Variants in PRKCA observed in about 807,000 individuals in gnomAD.
PRKCA encodes the protein protein kinase C alpha type.
A neutral mutation model predicts 87.0 loss-of-function variants in PRKCA; 27 were observed. The observed-to-expected ratio is 0.31, with a 90% CI of 0.23 to 0.43. The LOEUF is 0.43. PRKCA is among the 20% of genes least tolerant of loss of function. PRKCA has a pLI of 1.00. For synonymous variants in PRKCA, 329 were observed against 311.1 expected (o/e 1.06, Z -0.61); for missense variants, 518 against 852.3 (o/e 0.61, Z 4.88).
Position 66,497,825 on chromosome 17 carries a change from G to A in PRKCA, c.288+1542G>A, listed in dbSNP as rs139418594. Among the ~76,000 whole-genome samples the A allele has an allele frequency of 6.5e-3, 995 of 152,312 alleles. 6 individuals carry two copies. Among genetic ancestry groups the A allele is most frequent in the Non-Finnish European group, 9.7e-3 (658 of 68,034 alleles). On this transcript the variant is annotated intron_variant, in intron 3 of 16. Coordinates refer to ENST00000413366, the MANE Select transcript of PRKCA (RefSeq NM_002737.3). ...GACATTTTTGCAGTGTGCTCTGAGG[G>A]ATTCCGATTTGCGTTGTTGTAACAC...
chr17:66,462,513 C>T (rs1258831601), intron 2 of PRKCA, among the ~76,000 whole-genome samples: 2 of 152,142 alleles, frequency 1.3e-5, no homozygotes, highest in Non-Finnish European at 2.9e-5. Context: ...TTTTTACAAC[C>T]TTACATCTAG....
At chr17:66,617,669 A>G (rs573853665) in intron 3 of PRKCA, among the ~76,000 whole-genome samples, 1 of 152,302 alleles carries the variant, frequency 6.6e-6, no homozygotes, top group South Asian at 2.1e-4. Flanking sequence ...GTTTACCTTC[A>G]CTTTTTGAAA....
chr17:66,650,268 G>A (rs190425466), intron 5 of PRKCA, among the ~76,000 whole-genome samples: 3 of 152,170 alleles, frequency 2.0e-5, no homozygotes, highest in Non-Finnish European at 4.4e-5. Context: ...GCTTGGTGGG[G>A]TATTTATGGG....
intron 5 of PRKCA, among the ~76,000 whole-genome samples, chr17:66,657,372 G>A (rs1971763548): frequency 6.6e-6 from 1 of 152,192 alleles, no homozygotes; most frequent in Admixed American, 6.5e-5. Context: ...TTTTTGCAGT[G>A]GGGGTGGTGA....
At chr17:66,335,488 G>GGAT (rs1280136959) in intron 2 of PRKCA, among the ~76,000 whole-genome samples, 1 of 151,764 alleles carries the variant, frequency 6.6e-6, no homozygotes, top group African/African-American at 2.4e-5. Context: ...TTCTGCGGAT[G>GGAT]GATGATGATG....
intron 3 of PRKCA, among the ~76,000 whole-genome samples, chr17:66,617,865 G>A (rs1970557844): frequency 6.6e-6 from 1 of 152,128 alleles, no homozygotes; most frequent in South Asian, 2.1e-4. Context: ...TTTGAACCAA[G>A]ATTGAGAGTT....
intron 16 of PRKCA, among the ~76,000 whole-genome samples, chr17:66,795,010 CA>C (rs1011598958): frequency 6.6e-6 from 1 of 152,126 alleles, no homozygotes; most frequent in African/African-American, 2.4e-5. Flanking sequence ...CGTTACTTTT[CA>C]TTTTTTTTGC....
intron 3 of PRKCA, among the ~76,000 whole-genome samples, chr17:66,563,017 CT>C (rs545413354): frequency 0.01 from 1,525 of 151,244 alleles, 9 homozygotes; most frequent in Non-Finnish European, 0.017. Context: ...ATCCTGTTAG[CT>C]TTTTTTTTAA....
chr17:66,747,934 G>C (rs956534980), intron 13 of PRKCA, among the ~76,000 whole-genome samples: 1 of 152,222 alleles, frequency 6.6e-6, no homozygotes, highest in African/African-American at 2.4e-5. Flanking sequence ...TGCCGGGCCA[G>C]AAAGAGGAGC....
chr17:66,720,311 G>A (rs1158130606), intron 8 of PRKCA, among the ~76,000 whole-genome samples: 2 of 152,214 alleles, frequency 1.3e-5, no homozygotes, highest in South Asian at 4.1e-4. Flanking sequence ...AGCAGATGAA[G>A]TATTGAGCCA....
intron 2 of PRKCA, among the ~76,000 whole-genome samples, chr17:66,486,946 G>A (rs2144075159): frequency 6.6e-6 from 1 of 152,172 alleles, no homozygotes; most frequent in East Asian, 1.9e-4. Context: ...CCCAAAATAT[G>A]TACAACTATT....
intron 2 of PRKCA, among the ~76,000 whole-genome samples, chr17:66,455,604 C>T (rs1304531589): frequency 1.3e-5 from 2 of 152,196 alleles, no homozygotes; most frequent in Non-Finnish European, 2.9e-5. Context: ...CAAACTTACT[C>T]ATCCATCAAC....
intron 3 of PRKCA, among the ~76,000 whole-genome samples, chr17:66,637,272 G>A (rs1567946678): frequency 1.3e-5 from 2 of 152,144 alleles, no homozygotes; most frequent in African/African-American, 2.4e-5. Context: ...GGCTCCGTGC[G>A]AGCTGCCATT....
chr17:66,528,659 AT>A (rs1449997644), intron 3 of PRKCA, among the ~76,000 whole-genome samples: 1 of 152,168 alleles, frequency 6.6e-6, no homozygotes, highest in Non-Finnish European at 1.5e-5. Context: ...TATGAGACTC[AT>A]TTTGGAAGTC....
chr17:66,560,719 G>A (rs896953416), intron 3 of PRKCA, among the ~76,000 whole-genome samples: 19 of 152,176 alleles, frequency 1.2e-4, no homozygotes, highest in African/African-American at 3.6e-4. Context: ...CTAAAATCAG[G>A]CTGTATGTTC....
intron 3 of PRKCA, among the ~76,000 whole-genome samples, chr17:66,551,280 C>T (rs1346916252): frequency 6.6e-6 from 1 of 152,176 alleles, no homozygotes; most frequent in East Asian, 1.9e-4. Flanking sequence ...GCCTTGGCTT[C>T]ATAGCATCTT....
chr17:66,777,432 C>A, intron 14 of PRKCA: 12 of 263,158 alleles, frequency 4.6e-5, no homozygotes, highest in Non-Finnish European at 6.1e-5. Flanking sequence ...CCCCTCCCCC[C>A]ACCCCAAATC....
At position 66,377,487 on chromosome 17, in the gene PRKCA, A is replaced by C. The variant is rs990019683; in HGVS notation, c.205+71360A>C. 2.0e-5 allele frequency among the ~76,000 whole-genome samples: 3 copies of C among 149,776 alleles called. No individual in the cohort carries two copies. In the South Asian group the frequency reaches 6.3e-4, roughly 31 times the overall value. ...TATATATATAGATATACGTGTATATATATACATGTATACATGTATATACGT... is the reference window on the plus strand; with the variant it reads ...TATATATATAGATATACGTGTATATCTATACATGTATACATGTATATACGT... On this transcript the variant is annotated intron_variant, in intron 2 of 16. Transcript: ENST00000413366.
intron 3 of PRKCA, among the ~76,000 whole-genome samples, chr17:66,633,341 T>C (rs548244461): frequency 6.6e-6 from 1 of 152,306 alleles, no homozygotes; most frequent in African/African-American, 2.4e-5. Context: ...TTCCCTAAAT[T>C]TCTTAAGAAA....
Sources: gnomAD v4.1 joint callset for allele counts (sites outside exome capture counted in the v4.1 genomes callset) on GRCh38, gnomAD v4.1.1 for gene constraint, MANE v1.5 for transcripts, NCBI Gene and HGNC (gene_info 2026-07-23, HGNC 2026-07-21) for gene names.